The following METTL21A variants were observed in gnomAD, a reference collection of about 807,000 sequenced individuals.
The protein encoded by METTL21A is methyltransferase 21A, HSPA lysine, also known as protein N-lysine methyltransferase METTL21A.
In METTL21A, 22 loss-of-function variants were observed where a neutral mutation model predicts 20.9. That is an observed-to-expected ratio of 1.05 (90% CI 0.75 to 1.50). The LOEUF (loss-of-function observed/expected upper bound fraction) is 1.50, where lower values mean the gene tolerates loss of function less well. METTL21A is among the 40% of genes most tolerant of loss of function. METTL21A has a pLI of 0.00. For synonymous variants in METTL21A, 93 were observed against 102.0 expected (o/e 0.91, Z 0.53); for missense variants, 271 against 266.8 (o/e 1.02, Z -0.11).
intron 3 of METTL21A, 80 bp from the exon 4 acceptor site, chr2:207,613,523 G>C (rs926071228): frequency 9.1e-6 from 12 of 1,321,678 alleles, no homozygotes; most frequent in Non-Finnish European, 1.2e-5. Context: ...GTTAAATGTA[G>C]AGTGTCTCTT....
At chr2:207,592,128 A>AT (rs1254696199) in intron 3 of METTL21A, among the ~76,000 whole-genome samples, 2 of 152,202 alleles carry the variant, frequency 1.3e-5, no homozygotes, top group East Asian at 1.9e-4. Flanking sequence ...TGGGTTTATC[A>AT]TTTTTTTCTT....
intron 3 of METTL21A, among the ~76,000 whole-genome samples, chr2:207,588,731 T>G (rs1194433338): frequency 5.1e-5 from 3 of 58,304 alleles, no homozygotes; most frequent in Non-Finnish European, 1.2e-4. Flanking sequence ...TTTTCTGGTT[T>G]TTTTTTTTTT....
intron 3 of METTL21A, among the ~76,000 whole-genome samples, chr2:207,596,456 G>A (rs917748339): frequency 4.6e-5 from 7 of 152,108 alleles, no homozygotes; most frequent in African/African-American, 1.2e-4. Context: ...TCTTTGAGAC[G>A]GAGTCTCACT....
At chr2:207,616,484 C>G (rs2089759357) in intron 3 of METTL21A, among the ~76,000 whole-genome samples, 1 of 152,214 alleles carries the variant, frequency 6.6e-6, no homozygotes. Flanking sequence ...AGCCATGGAA[C>G]AGAAACCTCT....
At chr2:207,592,911 C>CAAAAAAGAAAAAAAAAAAGAAA (rs146008919) in intron 3 of METTL21A, among the ~76,000 whole-genome samples, 3 of 145,122 alleles carry the variant, frequency 2.1e-5, no homozygotes, top group South Asian at 2.2e-4. Flanking sequence ...GACTCCATCT[C>CAAAAAAGAAAAAAAAAAAGAAA]AAAAAAGAAA....
chr2:207,594,139 T>C (rs2085648931), intron 3 of METTL21A, among the ~76,000 whole-genome samples: 1 of 152,250 alleles, frequency 6.6e-6, no homozygotes, highest in Admixed American at 6.5e-5. Context: ...AAGAATTTAC[T>C]GGTTTAGATT....
chr2:207,604,306 TC>T (rs1449680063), downstream of METTL21A, among the ~76,000 whole-genome samples: 2 of 152,202 alleles, frequency 1.3e-5, no homozygotes, highest in Non-Finnish European at 2.9e-5. Context: ...TCTTTTACAC[TC>T]AGGTTGCAAA....
chr2:207,624,452 T>C (rs1047452874), intron 1 of METTL21A, 48 bp from the exon 2 acceptor site: 1 of 1,490,158 alleles, frequency 6.7e-7, no homozygotes, highest in Non-Finnish European at 9.0e-7. Flanking sequence ...AAAGATACAT[T>C]ATCTGTTCTT....
chr2:207,621,956 A>G (rs1304422710), intron 2 of METTL21A, 39 bp from the exon 3 acceptor site: 1 of 1,576,810 alleles, frequency 6.3e-7, no homozygotes, highest in South Asian at 1.1e-5. Context: ...TAAGGTCAAC[A>G]TGTGCTTGAG....
At chr2:207,609,634 T>G (rs995250453), downstream of METTL21A, 1 of 152,058 alleles carries the variant, frequency 6.6e-6, no homozygotes, top group Non-Finnish European at 1.5e-5. Context: ...AGGGATGAGA[T>G]TTAAAACTTT....
At chr2:207,606,077 G>T (rs907366798), downstream of METTL21A, among the ~76,000 whole-genome samples, 6 of 152,158 alleles carry the variant, frequency 3.9e-5, no homozygotes, top group Non-Finnish European at 8.8e-5. Context: ...AAAGAAACAA[G>T]TTTTCAATAT....
At chr2:207,584,662 A>G (rs948935644) in intron 3 of METTL21A, among the ~76,000 whole-genome samples, 2 of 152,176 alleles carry the variant, frequency 1.3e-5, no homozygotes, top group African/African-American at 4.8e-5. Flanking sequence ...TCGGCCTCCC[A>G]AAATGCTGGG....
chr2:207,622,046 G>C, intron 2 of METTL21A, 129 bp from the exon 3 acceptor site: 1 of 749,384 alleles, frequency 1.3e-6, no homozygotes, highest in Non-Finnish European at 2.3e-6. Context: ...ACACACACAG[G>C]AACTTAGCTG....
chr2:207,625,949 G>C (rs2091040274), upstream of METTL21A: 1 of 152,284 alleles, frequency 6.6e-6, no homozygotes, highest in South Asian at 2.1e-4. Context: ...AACACGTGGC[G>C]CCCGAGTCCA....
At chr2:207,583,491 A>G (rs2083298167) in intron 3 of METTL21A, among the ~76,000 whole-genome samples, 1 of 152,210 alleles carries the variant, frequency 6.6e-6, no homozygotes. Context: ...ACAGTGCAGT[A>G]TTTATATACA....
intron 3 of METTL21A, among the ~76,000 whole-genome samples, chr2:207,615,020 T>C (rs1019913187): frequency 1.3e-5 from 2 of 152,222 alleles, no homozygotes; most frequent in African/African-American, 4.8e-5. Flanking sequence ...AGGGCAGTAA[T>C]TCAATTTGAC....
intron 3 of METTL21A, chr2:207,598,170 G>A: frequency 5.5e-6 from 1 of 180,894 alleles, no homozygotes; most frequent in African/African-American, 2.3e-5. Flanking sequence ...TTTTTTAAAT[G>A]AAAGAAGTTG....
chr2:207,613,444 C>G lies in METTL21A; in HGVS notation c.260-1G>C. 6.4e-7 allele frequency: 1 copy of G among 1,572,102 alleles called. No individual in the cohort carries two copies. Among genetic ancestry groups the G allele is most frequent in the Non-Finnish European group, 8.6e-7 (1 of 1,164,612 alleles). On this transcript the variant is annotated splice_acceptor_variant, in intron 3 of 3. Coordinates refer to ENST00000406927, the Ensembl canonical transcript of METTL21A. LOFTEE classifies it high-confidence loss of function. ...CGATCCGTGATAGTCACATGAGCAC[C>G]TACAATGTGGAACAAAGAAAAAGTG...
At chr2:207,590,970 T>G (rs1014432052) in intron 3 of METTL21A, among the ~76,000 whole-genome samples, 1 of 152,198 alleles carries the variant, frequency 6.6e-6, no homozygotes, top group Non-Finnish European at 1.5e-5. Context: ...TTGAGACTTC[T>G]TTTTTGACCT....
Sources: gnomAD v4.1 joint callset for allele counts (sites outside exome capture counted in the v4.1 genomes callset) on GRCh38, gnomAD v4.1.1 for gene constraint, MANE v1.5 for transcripts, NCBI Gene and HGNC (gene_info 2026-07-23, HGNC 2026-07-21) for gene names.